MALRD1: variants seen among roughly 807,000 people sequenced by gnomAD.
MALRD1 encodes the protein MAM and LDL receptor class A domain containing 1, also known as MAM and LDL-receptor class A domain-containing protein 1.
MALRD1 carries 247 observed loss-of-function variants against 242.1 expected under a neutral mutation model. The observed-to-expected ratio is 1.02, with a 90% confidence interval of 0.92 to 1.13. The LOEUF (loss-of-function observed/expected upper bound fraction) is 1.13. Among genes scored for constraint, MALRD1 ranks in the 50% most tolerant of loss-of-function variants. The probability of loss-of-function intolerance (pLI) is 0.00; values close to 1 mark genes in which losing one functional copy is unlikely to be tolerated. For missense variants in MALRD1, 2,989 were observed against 2,533.1 expected (o/e 1.18, Z -3.86); for synonymous variants, 995 against 866.6 (o/e 1.15, Z -2.60).
intron 2 of MALRD1, among the ~76,000 whole-genome samples, chr10:19,070,466 T>G (rs1396396774): frequency 2.0e-5 from 3 of 152,192 alleles, no homozygotes; most frequent in Non-Finnish European, 4.4e-5. Flanking sequence ...AGAAAAATCC[T>G]AAGTGGAACC....
At chr10:19,647,667 A>G (rs1266811322) in intron 36 of MALRD1, among the ~76,000 whole-genome samples, 3 of 152,314 alleles carry the variant, frequency 2.0e-5, no homozygotes, top group African/African-American at 7.2e-5. Flanking sequence ...AGAACTGTCC[A>G]ACTGGTTTAA....
chr10:19,540,517 G>A (rs1205364989), intron 32 of MALRD1, among the ~76,000 whole-genome samples: 3 of 152,162 alleles, frequency 2.0e-5, no homozygotes, highest in Middle Eastern at 3.2e-3. Flanking sequence ...TAGAGGAAAT[G>A]CGTTGATACT....
At chr10:19,314,734 C>A (rs1842567614) in intron 21 of MALRD1, among the ~76,000 whole-genome samples, 1 of 151,424 alleles carries the variant, frequency 6.6e-6, no homozygotes. Context: ...TGCTTTCTTA[C>A]TGCAAAGGTA....
intron 38 of MALRD1, among the ~76,000 whole-genome samples, chr10:19,693,550 A>C (rs1833211236): frequency 2.0e-5 from 3 of 152,214 alleles, no homozygotes. Flanking sequence ...AGAGAACTAC[A>C]AACCACTGCT....
chr10:19,283,292 G>C, intron 21 of MALRD1, 111 bp downstream of exon 21: 1 of 926,678 alleles, frequency 1.1e-6, no homozygotes. Context: ...AAAGACAAAT[G>C]TTAAGTTGAA....
intron 33 of MALRD1, among the ~76,000 whole-genome samples, chr10:19,585,077 G>C (rs995699341): frequency 2.6e-5 from 4 of 151,982 alleles, no homozygotes; most frequent in African/African-American, 9.7e-5. Context: ...CCATTTGTTT[G>C]GTAGATCTTC....
At chr10:19,271,218 A>G (rs901088588) in intron 19 of MALRD1, among the ~76,000 whole-genome samples, 1 of 152,220 alleles carries the variant, frequency 6.6e-6, no homozygotes. Context: ...GCTAACTACA[A>G]TATATTTTCA....
intron 26 of MALRD1, among the ~76,000 whole-genome samples, chr10:19,361,308 G>T (rs1844888290): frequency 6.6e-6 from 1 of 152,098 alleles, no homozygotes. Context: ...GCATGTGAAT[G>T]TGAGGGCAGG....
intron 36 of MALRD1, among the ~76,000 whole-genome samples, chr10:19,691,767 A>G (rs988109374): frequency 6.6e-6 from 1 of 152,166 alleles, no homozygotes; most frequent in East Asian, 1.9e-4. Context: ...TTACTAGTAC[A>G]TCAAATGAGA....
At chr10:19,457,766 G>GA (rs1456144221) in intron 29 of MALRD1, among the ~76,000 whole-genome samples, 7 of 148,286 alleles carry the variant, frequency 4.7e-5, no homozygotes, top group Admixed American at 1.4e-4. Flanking sequence ...AAATGGTCTT[G>GA]AAAAAAAATA....
At chr10:19,433,832 G>A (rs1409637385) in intron 28 of MALRD1, among the ~76,000 whole-genome samples, 1 of 151,866 alleles carries the variant, frequency 6.6e-6, no homozygotes, top group Non-Finnish European at 1.5e-5. Context: ...ATGTCCATAG[G>A]AAGACCCTTG....
intron 32 of MALRD1, among the ~76,000 whole-genome samples, chr10:19,532,614 A>G (rs927277923): frequency 1.2e-4 from 18 of 152,164 alleles, no homozygotes; most frequent in Admixed American, 6.5e-5. Context: ...GGTCAACCAA[A>G]GAAGTCAGAA....
rs181606803 is a variant in MALRD1, at chr10:19,262,378, G to A, written c.3079+4607G>A. ...GTGTGTGTGGTAAGAGAACTTGGCC[G>A]GGCCCGGTGGCTCATGCATGTAATC... On this transcript the variant is annotated intron_variant, in intron 19 of 39. Coordinates refer to ENST00000454679, the MANE Select transcript of MALRD1 (RefSeq NM_001142308.3). Among the ~76,000 whole-genome samples, 12 of 151,956 alleles carry A rather than the reference G, an allele frequency of 7.9e-5. No individual in the cohort carries two copies. The East Asian group carries it at 1.2e-3, about 15-fold the overall frequency.
chr10:19,459,013 C>T (rs1377417252), intron 29 of MALRD1, among the ~76,000 whole-genome samples: 4 of 152,042 alleles, frequency 2.6e-5, no homozygotes, highest in African/African-American at 9.7e-5. Context: ...ACACACAATG[C>T]AATATTACAT....
chr10:19,322,924 G>A (rs893662113), intron 21 of MALRD1, among the ~76,000 whole-genome samples: 4 of 152,156 alleles, frequency 2.6e-5, no homozygotes, highest in South Asian at 2.1e-4. Context: ...CAAACTGTGC[G>A]GATCACTTCT....
intron 18 of MALRD1, among the ~76,000 whole-genome samples, chr10:19,222,575 A>T (rs1233638012): frequency 6.6e-6 from 1 of 152,208 alleles, no homozygotes; most frequent in South Asian, 2.1e-4. Flanking sequence ...ACCATACCTG[A>T]TATCAATCAT....
chr10:19,349,153 G>T (rs1178768962), intron 25 of MALRD1, among the ~76,000 whole-genome samples: 1 of 152,078 alleles, frequency 6.6e-6, no homozygotes, highest in Non-Finnish European at 1.5e-5. Flanking sequence ...TAGCGATGAG[G>T]TTTCACTATG....
intron 29 of MALRD1, among the ~76,000 whole-genome samples, chr10:19,460,521 A>G (rs146968820): frequency 5.3e-5 from 8 of 152,290 alleles, no homozygotes; most frequent in African/African-American, 1.9e-4. Flanking sequence ...GAAAAGAAGA[A>G]AGCCTTTGGA....
At chr10:19,271,945 C>T (rs1335962349) in intron 19 of MALRD1, among the ~76,000 whole-genome samples, 2 of 152,196 alleles carry the variant, frequency 1.3e-5, no homozygotes, top group Non-Finnish European at 2.9e-5. Context: ...AAGAAAAACA[C>T]TGGAGGCTTC....
Sources: allele counts gnomAD v4.1 joint callset (sites outside exome capture counted in the v4.1 genomes callset), GRCh38; gene constraint gnomAD v4.1.1; transcripts MANE v1.5; gene names NCBI Gene and HGNC (gene_info 2026-07-23, HGNC 2026-07-21).